The following SGMS1 variants were observed in gnomAD, a reference collection of about 807,000 sequenced individuals.
The protein encoded by SGMS1 is phosphatidylcholine:ceramide cholinephosphotransferase 1.
Under a neutral mutation model 46.2 loss-of-function variants are expected in SGMS1, and 13 were observed. The ratio of observed to expected loss-of-function variants is 0.28; its 90% CI spans 0.18 to 0.45. The LOEUF (loss-of-function observed/expected upper bound fraction) is 0.45. SGMS1 is among the 20% of genes least tolerant of loss of function. The probability of loss-of-function intolerance (pLI) is 1.00; values close to 1 mark genes in which losing one functional copy is unlikely to be tolerated. For missense variants in SGMS1, 324 were observed against 519.9 expected (o/e 0.62, Z 3.66); for synonymous variants, 203 against 187.8 (o/e 1.08, Z -0.66).
chr10:50,565,155 C>T (rs529919093), intron 2 of SGMS1, among the ~76,000 whole-genome samples: 4 of 152,248 alleles, frequency 2.6e-5, no homozygotes, highest in South Asian at 4.1e-4. Flanking sequence ...TCATTGCCTA[C>T]CTTTCTTTCT....
intron 3 of SGMS1, among the ~76,000 whole-genome samples, chr10:50,516,126 A>G (rs988831500): frequency 2.0e-5 from 3 of 152,204 alleles, no homozygotes; most frequent in Admixed American, 1.3e-4. Context: ...ATGGTTGTCT[A>G]TTGGTAATTA....
chr10:50,317,678 T>C (rs2688880), intron 8 of SGMS1, among the ~76,000 whole-genome samples: 10,471 of 152,304 alleles, frequency 0.069, 892 homozygotes, highest in East Asian at 0.33. Context: ...ATTTTAAATA[T>C]GTCATTTATT....
chr10:50,480,170 C>T (rs1837463268), intron 3 of SGMS1, among the ~76,000 whole-genome samples: 1 of 151,964 alleles, frequency 6.6e-6, no homozygotes, highest in African/African-American at 2.4e-5. Context: ...GAGAGGATAC[C>T]TCACAGGAGA....
intron 6 of SGMS1, among the ~76,000 whole-genome samples, chr10:50,432,891 T>C (rs1849422500): frequency 1.3e-5 from 2 of 152,162 alleles, no homozygotes. Flanking sequence ...TCCACTAAGC[T>C]ACCCCACTTA....
intron 4 of SGMS1, among the ~76,000 whole-genome samples, chr10:50,463,525 G>A (rs1260145730): frequency 6.6e-6 from 1 of 152,172 alleles, no homozygotes; most frequent in Non-Finnish European, 1.5e-5. Context: ...AAAATAGCAA[G>A]TGTTGGCAAA....
chr10:50,386,095 T>A (rs1258488922), intron 6 of SGMS1, among the ~76,000 whole-genome samples: 1 of 152,160 alleles, frequency 6.6e-6, no homozygotes, highest in African/African-American at 2.4e-5. Context: ...TGTTATGAAA[T>A]AATCCCGCCT....
chr10:50,420,587 G>A (rs1174539608), intron 6 of SGMS1, among the ~76,000 whole-genome samples: 1 of 152,202 alleles, frequency 6.6e-6, no homozygotes, highest in Admixed American at 6.5e-5. Context: ...AAACATTCAT[G>A]TAAATTAATG....
chr10:50,530,019 C>T (rs1398048457), intron 2 of SGMS1, among the ~76,000 whole-genome samples: 4 of 152,362 alleles, frequency 2.6e-5, no homozygotes, highest in South Asian at 2.1e-4. Flanking sequence ...CACAGGCCCT[C>T]TGTATACTAA....
chr10:50,433,806 T>C (rs577275417), intron 5 of SGMS1, among the ~76,000 whole-genome samples: 3 of 152,276 alleles, frequency 2.0e-5, no homozygotes, highest in Non-Finnish European at 4.4e-5. Flanking sequence ...TTGCCCTCCA[T>C]TATGTTTTCA....
intron 6 of SGMS1, among the ~76,000 whole-genome samples, chr10:50,411,769 T>A (rs1290591934): frequency 6.6e-6 from 1 of 152,224 alleles, no homozygotes; most frequent in Non-Finnish European, 1.5e-5. Flanking sequence ...TGCAATTTTG[T>A]ATCACCAGTT....
chr10:50,428,246 T>C (rs1849355940), intron 6 of SGMS1, among the ~76,000 whole-genome samples: 1 of 152,086 alleles, frequency 6.6e-6, no homozygotes, highest in African/African-American at 2.4e-5. Context: ...GGAGCACCCC[T>C]AACTGGCGCA....
chr10:50,489,713 C>T (rs1044942674), intron 3 of SGMS1, among the ~76,000 whole-genome samples: 6 of 152,192 alleles, frequency 3.9e-5, no homozygotes, highest in Admixed American at 2.6e-4. Context: ...CGGTGGCTCA[C>T]GCCTGTAATC....
chr10:50,548,947 G>T (rs1838125480), intron 2 of SGMS1, among the ~76,000 whole-genome samples: 1 of 152,066 alleles, frequency 6.6e-6, no homozygotes. Flanking sequence ...AGGAAAAAAA[G>T]CTTCATCACT....
At chr10:50,526,103 T>A (rs532948752) in intron 2 of SGMS1, among the ~76,000 whole-genome samples, 2 of 152,280 alleles carry the variant, frequency 1.3e-5, no homozygotes, top group East Asian at 3.9e-4. Flanking sequence ...ATTAGTCTGT[T>A]CTCAAAGTGC....
At chr10:50,573,890 C>A (rs555578686) in intron 2 of SGMS1, among the ~76,000 whole-genome samples, 47 of 152,186 alleles carry the variant, frequency 3.1e-4, no homozygotes, top group African/African-American at 1.0e-3. Flanking sequence ...GCCAATTGAT[C>A]TTCAAGAAAG....
At chr10:50,371,561 A>G (rs867565386) in intron 6 of SGMS1, among the ~76,000 whole-genome samples, 19 of 152,168 alleles carry the variant, frequency 1.2e-4, no homozygotes, top group African/African-American at 3.9e-4. Flanking sequence ...CTATACTTCA[A>G]TTACTTTGGA....
chr10:50,576,919 A>G (rs1220982402), intron 2 of SGMS1, among the ~76,000 whole-genome samples: 6 of 152,226 alleles, frequency 3.9e-5, no homozygotes, highest in African/African-American at 1.4e-4. Flanking sequence ...TGGAAACTGT[A>G]AGTATTTGGC....
At chr10:50,486,188 T>C (rs908980913) in intron 3 of SGMS1, among the ~76,000 whole-genome samples, 7 of 152,100 alleles carry the variant, frequency 4.6e-5, no homozygotes, top group Non-Finnish European at 1.0e-4. Flanking sequence ...ATTAAAGACA[T>C]AAATGTAAAA....
chr10:50,418,975 A>T (rs1040580910), intron 6 of SGMS1, among the ~76,000 whole-genome samples: 3 of 152,234 alleles, frequency 2.0e-5, no homozygotes, highest in African/African-American at 7.2e-5. Flanking sequence ...CAATGCATAA[A>T]TTTTAAATTT....
Sources: gnomAD v4.1 joint callset for allele counts (sites outside exome capture counted in the v4.1 genomes callset) on GRCh38, gnomAD v4.1.1 for gene constraint, MANE v1.5 for transcripts, NCBI Gene and HGNC (gene_info 2026-07-23, HGNC 2026-07-21) for gene names.